Variants in CAMTA1 observed in about 807,000 individuals in gnomAD.
The protein encoded by CAMTA1 is calmodulin binding transcription activator 1, also known as calmodulin-binding transcription activator 1.
Under a neutral mutation model 170.9 loss-of-function variants are expected in CAMTA1, and 27 were observed. The ratio of observed to expected loss-of-function variants is 0.16; its 90% CI spans 0.12 to 0.22. The LOEUF is 0.22. Ranked by LOEUF, CAMTA1 falls within the 10% of genes least tolerant of loss-of-function variation. CAMTA1 has a pLI of 1.00. For missense variants in CAMTA1, 1,619 were observed against 2,217.2 expected (o/e 0.73, Z 5.42); for synonymous variants, 833 against 891.5 (o/e 0.93, Z 1.17).
Position 7,469,322 on chromosome 1 carries a change from TC to T in CAMTA1, c.510+1424del, listed in dbSNP as rs1370867447. On this transcript the variant is annotated intron_variant, in intron 6 of 22. Transcript: ENST00000303635. ...TTGGGGTCTTGTTACTAGGAATTGG[TC>T]CCAAGGTGTTCCACCCCTTGGCAGA... Among the ~76,000 whole-genome samples the T allele has an allele frequency of 3.9e-5, 6 of 152,286 alleles. No individual in the cohort carries two copies. The South Asian group carries it at 1.0e-3, about 26-fold the overall frequency.
intron 1 of CAMTA1, among the ~76,000 whole-genome samples, chr1:6,792,468 C>G (rs1295915146): frequency 6.6e-6 from 1 of 150,918 alleles, no homozygotes; most frequent in Non-Finnish European, 1.5e-5. Context: ...GGTACTGTTT[C>G]CTGAGCATTT....
intron 6 of CAMTA1, among the ~76,000 whole-genome samples, chr1:7,563,062 T>C (rs897062862): frequency 1.3e-5 from 2 of 152,188 alleles, no homozygotes; most frequent in Non-Finnish European, 2.9e-5. Flanking sequence ...GGGACTTTTG[T>C]GGCCTTTGGA....
intron 4 of CAMTA1, among the ~76,000 whole-genome samples, chr1:7,190,020 A>G (rs1283962347): frequency 2.0e-5 from 3 of 152,192 alleles, no homozygotes; most frequent in Non-Finnish European, 4.4e-5. Flanking sequence ...TTTCTAAGTG[A>G]AGTAACTCAG....
intron 6 of CAMTA1, among the ~76,000 whole-genome samples, chr1:7,607,002 C>T (rs1225967095): frequency 6.6e-6 from 1 of 152,232 alleles, no homozygotes; most frequent in Non-Finnish European, 1.5e-5. Flanking sequence ...TCTTTTAATA[C>T]TCAGAGTGGT....
intron 4 of CAMTA1, among the ~76,000 whole-genome samples, chr1:7,160,703 G>T (rs1420308987): frequency 2.0e-5 from 3 of 152,138 alleles, no homozygotes; most frequent in Admixed American, 2.0e-4. Context: ...TTTCAATGAT[G>T]ACACACAGTT....
intron 5 of CAMTA1, among the ~76,000 whole-genome samples, chr1:7,310,779 G>C (rs897121992): frequency 1.3e-5 from 2 of 148,586 alleles, no homozygotes; most frequent in Non-Finnish European, 3.0e-5. Context: ...TGCCCAGGCT[G>C]GAGTGCAGTG....
intron 5 of CAMTA1, among the ~76,000 whole-genome samples, chr1:7,315,939 T>G (rs1677425608): frequency 6.6e-6 from 1 of 152,190 alleles, no homozygotes; most frequent in South Asian, 2.1e-4. Context: ...GAGGTTTAAT[T>G]GACTCACGGT....
At chr1:7,515,046 G>C (rs560755298) in intron 6 of CAMTA1, among the ~76,000 whole-genome samples, 1 of 149,868 alleles carries the variant, frequency 6.7e-6, no homozygotes, top group Non-Finnish European at 1.5e-5. Flanking sequence ...GGTCCTTCCC[G>C]GCTCCCTCCA....
chr1:7,224,656 G>A lies in CAMTA1; in HGVS notation c.303-24835G>A, dbSNP rs1024064399. ...CCCAGGTTGGAGGCGTGACACCCGCGCCTCTCCGCTGGTGTCATTGATTGC... is the reference window on the plus strand; with the variant it reads ...CCCAGGTTGGAGGCGTGACACCCGCACCTCTCCGCTGGTGTCATTGATTGC... On this transcript the variant is annotated intron_variant, in intron 4 of 22. Coordinates refer to ENST00000303635, the MANE Select transcript of CAMTA1 (RefSeq NM_015215.4). The surrounding 1 kb of genome is among the most constrained non-coding windows in gnomAD (Gnocchi z 5.2). 1.3e-5 allele frequency among the ~76,000 whole-genome samples: 2 copies of A among 151,976 alleles called. No homozygotes were observed. The highest frequency in any genetic ancestry group is 1.5e-5 in the Non-Finnish European group (1 of 67,978).
At chr1:6,953,809 A>G (rs1688961501) in intron 3 of CAMTA1, among the ~76,000 whole-genome samples, 1 of 151,824 alleles carries the variant, frequency 6.6e-6, no homozygotes, top group South Asian at 2.1e-4. Context: ...ATAATCCTAC[A>G]TAAAATGGCT....
chr1:7,286,552 C>T lies in CAMTA1; in HGVS notation c.438+36926C>T, dbSNP rs187636676. ...GCTGGGGAGATGTACCTGTGGCTGA[C>T]GTTAATGCACAGAATCATTGTAGTA... On this transcript the variant is annotated intron_variant, in intron 5 of 22. Transcript: ENST00000303635. This position sits in a 1 kb window ranked among gnomAD's most constrained non-coding sequence, Gnocchi z 4.2. Among the ~76,000 whole-genome samples the T allele has an allele frequency of 3.9e-5, 6 of 152,256 alleles. No homozygotes were observed. In the East Asian group the frequency reaches 9.7e-4, roughly 25 times the overall value.
chr1:7,375,230 T>TG (rs963239479), intron 5 of CAMTA1, among the ~76,000 whole-genome samples: 1 of 152,110 alleles, frequency 6.6e-6, no homozygotes, highest in African/African-American at 2.4e-5. Context: ...GGAGTTGAGA[T>TG]GAGCTTCTGG....
intron 3 of CAMTA1, among the ~76,000 whole-genome samples, chr1:6,925,953 C>G (rs183082707): frequency 4.6e-4 from 70 of 152,306 alleles, no homozygotes; most frequent in African/African-American, 1.5e-3. Context: ...CTGACTTCCT[C>G]TCCTTATGCC....
At chr1:6,829,156 G>A (rs1193875151) in intron 3 of CAMTA1, among the ~76,000 whole-genome samples, 2 of 152,160 alleles carry the variant, frequency 1.3e-5, no homozygotes, top group East Asian at 3.9e-4. Context: ...ACCCGCTTCA[G>A]CCTCCCAAGG....
intron 6 of CAMTA1, among the ~76,000 whole-genome samples, chr1:7,509,780 A>G (rs1012708344): frequency 2.0e-5 from 3 of 152,164 alleles, no homozygotes; most frequent in Non-Finnish European, 4.4e-5. Flanking sequence ...ACAAGAGGCT[A>G]GGAGACCTGG....
intron 4 of CAMTA1, among the ~76,000 whole-genome samples, chr1:7,225,766 G>A (rs1266007974): frequency 1.3e-5 from 2 of 152,204 alleles, no homozygotes; most frequent in African/African-American, 4.8e-5. Context: ...GAGTTCCCTC[G>A]ACAGTGGCAT....
intron 7 of CAMTA1, among the ~76,000 whole-genome samples, chr1:7,658,611 T>C (rs2095926180): frequency 6.6e-6 from 1 of 152,124 alleles, no homozygotes; most frequent in Non-Finnish European, 1.5e-5. Context: ...TGTTTTCTTA[T>C]CTGTAAAATG....
chr1:7,540,871 A>G (rs1198321361), intron 6 of CAMTA1, among the ~76,000 whole-genome samples: 1 of 152,228 alleles, frequency 6.6e-6, no homozygotes, highest in Non-Finnish European at 1.5e-5. Context: ...TCTGAAGTTG[A>G]ATGAATTAGT....
intron 5 of CAMTA1, among the ~76,000 whole-genome samples, chr1:7,363,512 T>C (rs948215901): frequency 2.0e-5 from 3 of 152,194 alleles, no homozygotes; most frequent in Admixed American, 2.0e-4. Flanking sequence ...TCTTACGCTG[T>C]CTTCTGGCTT....
Sources: allele counts gnomAD v4.1 joint callset (sites outside exome capture counted in the v4.1 genomes callset), GRCh38; gene constraint gnomAD v4.1.1; non-coding constraint Gnocchi (gnomAD v3.1); transcripts MANE v1.5; gene names NCBI Gene and HGNC (gene_info 2026-07-23, HGNC 2026-07-21).